ARHGAP29: variants seen among roughly 807,000 people sequenced by gnomAD.
ARHGAP29 encodes Rho GTPase activating protein 29, also known as rho GTPase-activating protein 29.
In ARHGAP29, 43 loss-of-function variants were observed where a neutral mutation model predicts 122.6. That is an observed-to-expected ratio of 0.35 (90% CI 0.27 to 0.45). The LOEUF is 0.45. ARHGAP29 is among the 20% of genes least tolerant of loss of function. The pLI is 1.00. For synonymous variants in ARHGAP29, 506 were observed against 497.1 expected (o/e 1.02, Z -0.24); for missense variants, 1,303 against 1,477.2 (o/e 0.88, Z 1.93).
chr1:94,210,736 CAAATA>C (rs1351231538), intron 3 of ARHGAP29, among the ~76,000 whole-genome samples: 1 of 152,046 alleles, frequency 6.6e-6, no homozygotes, highest in Non-Finnish European at 1.5e-5. Flanking sequence ...AAAAGACACT[CAAATA>C]AAATATAAGA....
chr1:94,179,725 C>T lies in ARHGAP29; in HGVS notation c.2480G>A (p.Arg827Gln), dbSNP rs2101357394. Residue 827 changes from arginine (R) to glutamine (Q), a missense_variant and splice_region_variant, in exon 20 of 23, where the codon CGG becomes CAG. Physicochemically the swap from Arg to Gln is conservative, Grantham distance 43 (BLOSUM62 1). Transcript: ENST00000260526. ...SLHFLIVHLKRVVDHAEENKM... is the reference protein window; with the variant it reads ...SLHFLIVHLKQVVDHAEENKM... Reference sequence around the variant, plus strand: ...TGTTCTAGTTATATAAAATTCTTACCGCTTTAGATGTACTATAAGGAAATG... The same window carrying T: ...TGTTCTAGTTATATAAAATTCTTACTGCTTTAGATGTACTATAAGGAAATG... 2 of 1,579,612 alleles carry T rather than the reference C, an allele frequency of 1.3e-6. No individual in the cohort carries two copies. Among genetic ancestry groups the T allele is most frequent in the Non-Finnish European group, 1.7e-6 (2 of 1,159,516 alleles).
the ARHGAP29 span, among the ~76,000 whole-genome samples, chr1:94,293,815 T>C: frequency 6.6e-6 from 1 of 152,300 alleles, no homozygotes; most frequent in South Asian, 2.1e-4. Context: ...GCTTCCAAAC[T>C]TAGTCCTCCA....
rs1650045739 is a variant in ARHGAP29, at chr1:94,190,056, G to A, written c.1309C>T (p.His437Tyr). 6.2e-7 allele frequency: 1 copy of A among 1,613,214 alleles called. No homozygotes were observed. Among genetic ancestry groups the A allele is most frequent in the African/African-American group, 1.3e-5 (1 of 74,908 alleles). Reference sequence around the variant, plus strand: ...TCTGCAAGGGAAGCAGCCTGCAGATGCTGCATGTGGAAGAGGTTAACTGTT... The same window carrying A: ...TCTGCAAGGGAAGCAGCCTGCAGATACTGCATGTGGAAGAGGTTAACTGTT... The part of the protein sequence containing the change: ...AVTVNLFHMQ[H>Y]LQAASLADSL... Residue 437 changes from histidine (H) to tyrosine (Y), a missense_variant, in exon 13 of 23, where the codon CAT becomes TAT. This residue lies in a region of ARHGAP29 where 592 missense variants were observed against 648.2 expected (regional missense o/e 0.91). Transcript: ENST00000260526.
intron 1 of ARHGAP29, among the ~76,000 whole-genome samples, chr1:94,257,135 G>C (rs942349126): frequency 1.3e-5 from 2 of 151,508 alleles, no homozygotes; most frequent in Admixed American, 6.6e-5. Flanking sequence ...CGGGCATGGT[G>C]GCTGACACCT....
At chr1:94,302,655 G>A in the ARHGAP29 span, 1 of 451,218 alleles carries the variant, frequency 2.2e-6, no homozygotes, top group South Asian at 1.6e-5. Context: ...GTCTACTGGT[G>A]CTGCCAAGGC....
rs1479236591 is a variant in ARHGAP29 at position 94,231,469 on chromosome 1, A to G, written c.143T>C (p.Leu48Ser). ...GGAGAACTTCCTGATATCATTCACC[A>G]ACTCCTTGATGTAATCCGGATCAAA... ...SIFDPDYIKE[L>S]VNDIRKFSHM... Residue 48 changes from leucine to serine, a missense_variant, in exon 2 of 23, where the codon TTG becomes TCG. By Grantham distance (145) the Leu-to-Ser change is moderately radical (BLOSUM62 -2). Around this residue, in one of 3 missense-constraint regions of ARHGAP29, gnomAD observed 592 missense variants for 648.2 expected, o/e 0.91. Transcript: ENST00000260526. The G allele has an allele frequency of 6.2e-7, 1 of 1,613,708 alleles. No individual in the cohort carries two copies. Among genetic ancestry groups the G allele is most frequent in the Non-Finnish European group, 8.5e-7 (1 of 1,179,758 alleles).
chr1:94,301,542 AG>A, the ARHGAP29 span, among the ~76,000 whole-genome samples: 1 of 152,122 alleles, frequency 6.6e-6, no homozygotes, highest in African/African-American at 2.4e-5. Context: ...TGCAATGGGG[AG>A]GGAAGGAAGG....
At chr1:94,185,125 G>A (rs1570497366) in intron 17 of ARHGAP29, 65 bp from the exon 18 acceptor site, 6 of 1,444,896 alleles carry the variant, frequency 4.2e-6, no homozygotes, top group Non-Finnish European at 5.6e-6. Context: ...GCAAACTGCA[G>A]GTGGAAGGTA....
chr1:94,280,914 G>T, the ARHGAP29 span, among the ~76,000 whole-genome samples: 1 of 152,330 alleles, frequency 6.6e-6, no homozygotes, highest in Admixed American at 6.5e-5. Context: ...GGTGGGATAA[G>T]CAGAGAAGAC....
chr1:94,267,690 G>A (rs1654823868), intron 1 of ARHGAP29, among the ~76,000 whole-genome samples: 2 of 152,064 alleles, frequency 1.3e-5, no homozygotes, highest in Admixed American at 6.6e-5. Context: ...ATCTGGAATC[G>A]TATCCTGACC....
At chr1:94,277,423 C>G (rs1655230879), upstream of ARHGAP29, among the ~76,000 whole-genome samples, 1 of 152,174 alleles carries the variant, frequency 6.6e-6, no homozygotes, top group Non-Finnish European at 1.5e-5. Flanking sequence ...TATTTTCCCT[C>G]AGATCATGCT....
intron 8 of ARHGAP29, among the ~76,000 whole-genome samples, chr1:94,203,635 G>A (rs1208764592): frequency 6.6e-6 from 1 of 152,132 alleles, no homozygotes; most frequent in Non-Finnish European, 1.5e-5. Flanking sequence ...TCAGGAGGCT[G>A]CGGTGGGAGG....
intron 2 of ARHGAP29, among the ~76,000 whole-genome samples, chr1:94,227,547 A>C (rs1652678284): frequency 6.6e-6 from 1 of 151,848 alleles, no homozygotes; most frequent in Non-Finnish European, 1.5e-5. Context: ...AATGGCAGTT[A>C]ATATTTCCAA....
At chr1:94,303,257 G>A in the ARHGAP29 span, among the ~76,000 whole-genome samples, 1 of 152,140 alleles carries the variant, frequency 6.6e-6, no homozygotes, top group African/African-American at 2.4e-5. Flanking sequence ...TCTGACATAT[G>A]ATATAACATG....
chr1:94,202,369 C>A (rs1650899884), intron 11 of ARHGAP29, 175 bp downstream of exon 11: 1 of 702,154 alleles, frequency 1.4e-6, no homozygotes, highest in Middle Eastern at 2.5e-4. Context: ...ATCAGCACGA[C>A]CTGAGAGCCT....
At chr1:94,244,509 C>T (rs1653718944) in intron 1 of ARHGAP29, among the ~76,000 whole-genome samples, 1 of 151,810 alleles carries the variant, frequency 6.6e-6, no homozygotes, top group South Asian at 2.1e-4. Flanking sequence ...AAAAAACCGA[C>T]AGGTTTTCTC....
chr1:94,217,247 G>C (rs1383904065), intron 3 of ARHGAP29, among the ~76,000 whole-genome samples: 1 of 152,066 alleles, frequency 6.6e-6, no homozygotes, highest in Non-Finnish European at 1.5e-5. Context: ...AAAATTAAAT[G>C]ATGGGGCCGG....
At chr1:94,178,827 T>C in intron 20 of ARHGAP29, among the ~76,000 whole-genome samples, 1 of 152,238 alleles carries the variant, frequency 6.6e-6, no homozygotes, top group East Asian at 1.9e-4. Context: ...GCTCAGTTTC[T>C]GCTACTGCTT....
chr1:94,240,963 T>C (rs1653549719), upstream of ARHGAP29, among the ~76,000 whole-genome samples: 1 of 152,128 alleles, frequency 6.6e-6, no homozygotes, highest in Non-Finnish European at 1.5e-5. Context: ...CTAAAAACAT[T>C]TGACAATATC....
Sources: gnomAD v4.1 joint callset for allele counts (sites outside exome capture counted in the v4.1 genomes callset) on GRCh38, gnomAD v4.1.1 for gene constraint, gnomAD v4.1.1 regional missense constraint, MANE v1.5 for transcripts, NCBI Gene and HGNC (gene_info 2026-07-23, HGNC 2026-07-21) for gene names.